The following CEP89 variants were observed in gnomAD, a reference collection of about 807,000 sequenced individuals.
The protein encoded by CEP89 is centrosomal protein 89.
In CEP89, 95 loss-of-function variants were observed where a neutral mutation model predicts 97.6. The observed-to-expected ratio is 0.97, with a 90% CI of 0.82 to 1.15. The LOEUF is 1.15. CEP89 is among the 50% of genes most tolerant of loss of function. The pLI, the probability that CEP89 is intolerant of heterozygous loss-of-function variation, is 0.00. For missense variants in CEP89, 869 were observed against 947.7 expected (o/e 0.92, Z 1.09); for synonymous variants, 354 against 349.1 (o/e 1.01, Z -0.16).
intron 7 of CEP89, 109 bp downstream of exon 7, chr19:32,937,522 A>C (rs1477349561): frequency 1.1e-6 from 1 of 935,676 alleles, no homozygotes; most frequent in African/African-American, 1.6e-5. Flanking sequence ...TGAAAGTTCA[A>C]CAACTAATAC....
At chr19:32,971,333 T>C in intron 1 of CEP89, 1 of 419,400 alleles carries the variant, frequency 2.4e-6, no homozygotes, top group Non-Finnish European at 4.2e-6. Context: ...CGGGGACGAA[T>C]GCTACAGGGG....
rs758770504 is a variant in CEP89 at position 32,931,963 on chromosome 19, C to T, written c.887-392G>A. On this transcript the variant is annotated intron_variant, in intron 8 of 18. Coordinates refer to ENST00000305768, the MANE Select transcript of CEP89 (RefSeq NM_032816.5). ...TTGGGAGGCCGAGGCGGGTGGATCA[C>T]GAGGTGAGGAGATCGAGACCATCCT... 3.3e-5 allele frequency among the ~76,000 whole-genome samples: 5 copies of T among 152,204 alleles called. No homozygotes were observed. The East Asian group carries it at 9.7e-4, about 29-fold the overall frequency.
chr19:32,945,284 CAAAAA>C (rs10709515), intron 5 of CEP89, among the ~76,000 whole-genome samples: 1 of 95,886 alleles, frequency 1.0e-5, no homozygotes, highest in South Asian at 3.4e-4. Flanking sequence ...AACTATGTTT[CAAAAA>C]AAAAAAAAAA....
At chr19:32,939,765 G>C in intron 6 of CEP89, 92 bp downstream of exon 6, 1 of 614,146 alleles carries the variant, frequency 1.6e-6, no homozygotes, top group Non-Finnish European at 2.9e-6. Context: ...CACCGCCAAA[G>C]TTTCAACACC....
intron 4 of CEP89, 140 bp downstream of exon 4, chr19:32,953,475 G>T: frequency 1.6e-6 from 1 of 625,102 alleles, no homozygotes; most frequent in South Asian, 2.7e-5. Flanking sequence ...AATGAGGCTG[G>T]ACACGTTTAA....
In CEP89 at chr19:32,915,363, A is replaced by G. The variant is rs748894562; in HGVS notation, c.1539T>C (p.His513=). 3 of 1,605,680 alleles carry G rather than the reference A, an allele frequency of 1.9e-6. No homozygotes were observed. Among genetic ancestry groups the G allele is most frequent in the Non-Finnish European group, 2.5e-6 (3 of 1,177,666 alleles). Residue 513 remains histidine, a synonymous_variant, in exon 14 of 19, where the codon CAT becomes CAC. Coordinates refer to ENST00000305768, the MANE Select transcript of CEP89 (RefSeq NM_032816.5). ...TTTTTAATTCATTCACAATTGATTTATGAACTTCCACTGCGATTTTGCCAT... is the reference window on the plus strand; with the variant it reads ...TTTTTAATTCATTCACAATTGATTTGTGAACTTCCACTGCGATTTTGCCAT... The part of the protein sequence containing the change: ...HSDGKIAVEV[H]KSIVNELKSQ...
chr19:32,927,153 CATCCATCCATCT>C (rs1027949662), intron 9 of CEP89, among the ~76,000 whole-genome samples, 169 bp from the exon 10 acceptor site: 5 of 151,766 alleles, frequency 3.3e-5, no homozygotes, highest in South Asian at 2.1e-4. Flanking sequence ...TCCATCCATC[CATCCATCCATCT>C]ATCCATCCAT....
intron 3 of CEP89, among the ~76,000 whole-genome samples, chr19:32,954,396 A>T (rs191000253): frequency 5.4e-5 from 8 of 147,710 alleles, no homozygotes; most frequent in Admixed American, 2.0e-4. Flanking sequence ...ACAGGGTCTC[A>T]CTCTGTCTCC....
chr19:32,921,740 C>A (rs960804244), intron 12 of CEP89, among the ~76,000 whole-genome samples: 1 of 152,062 alleles, frequency 6.6e-6, no homozygotes. Context: ...CGAGGGGAGA[C>A]ACACTAGGAA....
intron 16 of CEP89, among the ~76,000 whole-genome samples, chr19:32,890,973 A>G (rs1421405880): frequency 6.6e-6 from 1 of 152,158 alleles, no homozygotes; most frequent in Non-Finnish European, 1.5e-5. Context: ...TGCACCCGGA[A>G]GGCTGCAGCG....
chr19:32,963,054 A>G (rs933246346), intron 2 of CEP89, among the ~76,000 whole-genome samples: 1 of 152,194 alleles, frequency 6.6e-6, no homozygotes, highest in Non-Finnish European at 1.5e-5. Context: ...ACCATTAGCC[A>G]TTAGAGAAAT....
At chr19:32,885,878 CCTGT>C (rs1423065892) in intron 17 of CEP89, among the ~76,000 whole-genome samples, 2 of 152,226 alleles carry the variant, frequency 1.3e-5, no homozygotes, top group Admixed American at 6.5e-5. Flanking sequence ...TTTCCACTTT[CCTGT>C]CTGTCTTTCT....
At chr19:32,950,855 C>T (rs941255537) in intron 4 of CEP89, among the ~76,000 whole-genome samples, 7 of 152,112 alleles carry the variant, frequency 4.6e-5, no homozygotes, top group African/African-American at 7.2e-5. Context: ...AGAACAAACC[C>T]GCCCCTGCTA....
intron 16 of CEP89, among the ~76,000 whole-genome samples, chr19:32,894,842 C>T (rs993729291): frequency 6.6e-6 from 1 of 152,198 alleles, no homozygotes; most frequent in African/African-American, 2.4e-5. Flanking sequence ...TCTTCACCTG[C>T]TCTTACTTTG....
intron 3 of CEP89, among the ~76,000 whole-genome samples, chr19:32,959,539 C>T (rs189813178): frequency 6.6e-6 from 1 of 152,340 alleles, no homozygotes; most frequent in African/African-American, 2.4e-5. Flanking sequence ...GGAGGGACCA[C>T]TCTCACTGTT....
At chr19:32,900,888 C>T (rs368697866) in intron 15 of CEP89, among the ~76,000 whole-genome samples, 12 of 138,152 alleles carry the variant, frequency 8.7e-5, no homozygotes, top group African/African-American at 1.1e-4. Context: ...CTTCATTTGT[C>T]TTTTTTTTTT....
chr19:32,915,470 C>T lies in CEP89; in HGVS notation c.1432G>A (p.Gly478Ser), dbSNP rs768932479. The T allele has an allele frequency of 5.6e-6, 9 of 1,612,888 alleles. No homozygotes were observed. The highest frequency in any genetic ancestry group is 4.5e-5 in the East Asian group (2 of 44,862). ...QLMLLEAKTH[G>S]QEKELAENRE... ...TTCTCCGCCAGCTCCTTTTCCTGGCCGTGGGTTTTTGCCTCCAGGAGCATT... is the reference window on the plus strand; with the variant it reads ...TTCTCCGCCAGCTCCTTTTCCTGGCTGTGGGTTTTTGCCTCCAGGAGCATT... The change falls in exon 14 of 19, where the codon GGC becomes AGC. Residue 478 changes from glycine (G) to serine (S), a missense_variant. Transcript: ENST00000305768.
Position 32,953,643 on chromosome 19 carries a change from T to G in CEP89, c.464A>C (p.Asp155Ala), listed in dbSNP as rs755774819. Residue 155 changes from aspartate to alanine, a missense_variant, in exon 4 of 19, where the codon GAC becomes GCC. Asp to Ala is a moderately radical substitution (Grantham distance 126). Transcript: ENST00000305768. ...ATTTCTGTGTGGCACAGCGTACAGG[T>G]CATCACTGTGGCCTCCTCTGTCCTC... ...AREDRGGHSD[D>A]LYAVPHRNQV... 11 of 1,613,842 alleles carry G rather than the reference T, an allele frequency of 6.8e-6. No individual in the cohort carries two copies. The highest frequency in any genetic ancestry group is 9.3e-6 in the Non-Finnish European group (11 of 1,179,970).
At chr19:32,937,508 A>C in intron 7 of CEP89, 123 bp downstream of exon 7, 1 of 804,812 alleles carries the variant, frequency 1.2e-6, no homozygotes, top group Non-Finnish European at 2.1e-6. Flanking sequence ...TTTTGAGGCA[A>C]GGGTGAAAGT....
Sources: gnomAD v4.1 joint callset for allele counts (sites outside exome capture counted in the v4.1 genomes callset) on GRCh38, gnomAD v4.1.1 for gene constraint, MANE v1.5 for transcripts, NCBI Gene and HGNC (gene_info 2026-07-23, HGNC 2026-07-21) for gene names.